POLA1: variants seen among roughly 807,000 people sequenced by gnomAD.
POLA1 encodes the protein DNA polymerase alpha catalytic subunit.
POLA1 carries 15 observed loss-of-function variants against 124.0 expected under a neutral mutation model. The observed-to-expected ratio is 0.12, with a 90% CI of 0.08 to 0.19. The LOEUF is 0.19. POLA1 is among the 10% of genes least tolerant of loss of function. The probability of loss-of-function intolerance (pLI) is 1.00; values close to 1 mark genes in which losing one functional copy is unlikely to be tolerated. For missense variants in POLA1, 886 were observed against 1,103.4 expected (o/e 0.80, Z 2.79); for synonymous variants, 408 against 389.4 (o/e 1.05, Z -0.56).
At chrX:24,891,517 C>G (rs938113163) in intron 35 of POLA1, among the ~76,000 whole-genome samples, 1 of 111,423 alleles carries the variant, frequency 9.0e-6, no homozygotes, top group Non-Finnish European at 1.9e-5. Context: ...ATGCATTTTT[C>G]CAAAGATAGT....
chrX:24,870,527 T>C (rs1352227778), intron 34 of POLA1, among the ~76,000 whole-genome samples: 1 of 112,113 alleles, frequency 8.9e-6, no homozygotes, highest in Non-Finnish European at 1.9e-5. Flanking sequence ...TAGAGACTTC[T>C]CTGTTCTTAG....
At chrX:24,743,174 T>C in intron 22 of POLA1, 56 bp from the exon 23 acceptor site, 1 of 618,393 alleles carries the variant, frequency 1.6e-6, no homozygotes, top group Non-Finnish European at 2.6e-6. Context: ...TCATCAAAAT[T>C]TTAAATTAGT....
chrX:24,719,533 A>G lies in POLA1; in HGVS notation c.1087+1775A>G, dbSNP rs779836108. On this transcript the variant is annotated intron_variant, in intron 10 of 36. Coordinates refer to ENST00000379068, the MANE Select transcript of POLA1 (RefSeq NM_001330360.2). ...AGTATGATTACATGAGGCTAAGCAG[A>G]TGATTTCCCATCCATTGCTGAAACC... 8.0e-5 allele frequency among the ~76,000 whole-genome samples: 9 copies of G among 111,817 alleles called. No homozygotes were observed. The Admixed American group carries it at 8.6e-4, about 11-fold the overall frequency.
intron 36 of POLA1, among the ~76,000 whole-genome samples, chrX:24,994,096 G>A (rs1298256614): frequency 2.7e-5 from 3 of 112,448 alleles, no homozygotes; most frequent in Non-Finnish European, 5.6e-5. Context: ...TCACATGCAC[G>A]GGGTTGCTGG....
chrX:24,803,332 T>A (rs1426795928), intron 26 of POLA1, among the ~76,000 whole-genome samples: 1 of 111,205 alleles, frequency 9.0e-6, no homozygotes, highest in East Asian at 2.8e-4. Flanking sequence ...ACTGATGAAA[T>A]CTAGTGGGTA....
At chrX:24,696,197 G>A (rs1253761010) in intron 1 of POLA1, among the ~76,000 whole-genome samples, 1 of 112,566 alleles carries the variant, frequency 8.9e-6, no homozygotes, top group Non-Finnish European at 1.9e-5. Context: ...GCATCAGTCA[G>A]AGCCCCTATC....
chrX:24,716,498 C>T, intron 7 of POLA1, 44 bp downstream of exon 7: 1 of 719,820 alleles, frequency 1.4e-6, no homozygotes, highest in Non-Finnish European at 2.2e-6. Context: ...TATAGTATTG[C>T]TTTAAACTTA....
rs1288956892 is a variant in POLA1, at chrX:24,704,525, A to G, written c.346+56A>G. 18 of 790,378 alleles carry G rather than the reference A, an allele frequency of 2.3e-5. No individual in the cohort carries two copies. In the Admixed American group the frequency reaches 4.1e-4, roughly 18 times the overall value. The allele number at this position is 790,378 out of a possible 1,213,427, so 65.1% of individuals were successfully genotyped here. A position where few individuals can be genotyped will look rare whatever the true frequency, so the allele number is the denominator to read the frequency against. On this transcript the variant is annotated intron_variant, in intron 4 of 36. Coordinates refer to ENST00000379068, the MANE Select transcript of POLA1 (RefSeq NM_001330360.2). Reference sequence around the variant, plus strand: ...TTTGAGATTTAAAGAATTCTCTAAAATTAGAGATGACTTGATACTCTGATA... The same window carrying G: ...TTTGAGATTTAAAGAATTCTCTAAAGTTAGAGATGACTTGATACTCTGATA...
At chrX:24,976,099 C>T (rs1335284895) in intron 36 of POLA1, among the ~76,000 whole-genome samples, 1 of 112,273 alleles carries the variant, frequency 8.9e-6, no homozygotes, top group African/African-American at 3.2e-5. Context: ...ACTTTGCACT[C>T]CTATGTTGTT....
chrX:24,731,096 G>T (rs1054683632), intron 15 of POLA1, among the ~76,000 whole-genome samples: 2 of 112,231 alleles, frequency 1.8e-5, no homozygotes, highest in African/African-American at 6.5e-5. Flanking sequence ...TTATGTGCCT[G>T]TGCCTTTGGA....
At chrX:24,836,615 T>A (rs2046343870) in intron 32 of POLA1, among the ~76,000 whole-genome samples, 1 of 112,051 alleles carries the variant, frequency 8.9e-6, no homozygotes, top group Admixed American at 9.5e-5. Flanking sequence ...CCTTTTCACA[T>A]GCTTCTTGGC....
intron 21 of POLA1, among the ~76,000 whole-genome samples, 198 bp from the exon 22 acceptor site, chrX:24,741,804 T>C (rs1395609348): frequency 9.1e-6 from 1 of 109,764 alleles, no homozygotes; most frequent in Non-Finnish European, 1.9e-5. Context: ...TATTTTAAGC[T>C]CTCTTTGTCT....
rs146112716 is a variant in POLA1, at chrX:24,893,610, C to T, written c.4164+5488C>T. ...CCCCTGTTGTCACTATGGATTGTAC[C>T]TACTTTGAATATTTTCTGTAAATGA... On this transcript the variant is annotated intron_variant, in intron 35 of 36. Transcript: ENST00000379068. Among the ~76,000 whole-genome samples the T allele has an allele frequency of 2.1e-3, 234 of 111,343 alleles. 7 individuals are homozygous for T. In the East Asian group the frequency reaches 0.061, roughly 29 times the overall value.
intron 2 of POLA1, among the ~76,000 whole-genome samples, chrX:24,701,867 C>A (rs1412548868): frequency 1.8e-5 from 2 of 109,433 alleles, no homozygotes; most frequent in Non-Finnish European, 3.8e-5. Flanking sequence ...GATTCTCCTG[C>A]TTCAGCCTCC....
intron 35 of POLA1, among the ~76,000 whole-genome samples, chrX:24,906,622 A>G (rs182612440): frequency 1.8e-5 from 2 of 111,157 alleles, no homozygotes; most frequent in African/African-American, 6.5e-5. Context: ...AATCACCACT[A>G]AAGAACTTAT....
intron 26 of POLA1, among the ~76,000 whole-genome samples, chrX:24,753,941 C>T (rs986189349): frequency 7.2e-5 from 8 of 111,829 alleles, no homozygotes; most frequent in African/African-American, 1.3e-4. Flanking sequence ...GCCAGTTGGT[C>T]GTAGACTGCC....
chrX:24,945,879 T>G (rs769707130), intron 36 of POLA1, among the ~76,000 whole-genome samples: 1 of 111,188 alleles, frequency 9.0e-6, no homozygotes, highest in South Asian at 3.9e-4. Flanking sequence ...AAGGAAGCAT[T>G]TATGGTGCTG....
chrX:24,790,986 G>T (rs2045483881), intron 26 of POLA1, among the ~76,000 whole-genome samples: 1 of 104,122 alleles, frequency 9.6e-6, no homozygotes, highest in Non-Finnish European at 1.9e-5. Context: ...AGCTGCTCAA[G>T]AACTTTCAGA....
chrX:24,918,687 T>A (rs189297113), intron 35 of POLA1, among the ~76,000 whole-genome samples: 1 of 111,611 alleles, frequency 9.0e-6, no homozygotes, highest in Admixed American at 9.5e-5. Context: ...GAGGTTTATT[T>A]GACTTGTGAT....
Sources: allele counts gnomAD v4.1 joint callset (sites outside exome capture counted in the v4.1 genomes callset), GRCh38; gene constraint gnomAD v4.1.1; transcripts MANE v1.5; gene names NCBI Gene and HGNC (gene_info 2026-07-23, HGNC 2026-07-21).